EEF2K: variants seen among roughly 807,000 people sequenced by gnomAD.
EEF2K encodes the protein alternative protein EEF2K.
A neutral mutation model predicts 93.8 loss-of-function variants in EEF2K; 70 were observed. That is an observed-to-expected ratio of 0.75 (90% CI 0.62 to 0.91). The LOEUF (loss-of-function observed/expected upper bound fraction) is 0.91, where lower values mean the gene tolerates loss of function less well. Ranked by LOEUF, EEF2K falls within the 40% of genes least tolerant of loss-of-function variation. The probability of loss-of-function intolerance (pLI) is 0.00; values close to 1 mark genes in which losing one functional copy is unlikely to be tolerated. For synonymous variants in EEF2K, 376 were observed against 380.8 expected (o/e 0.99, Z 0.15); for missense variants, 935 against 972.9 (o/e 0.96, Z 0.52).
At chr16:22,220,535 C>T (rs1223289163) in intron 1 of EEF2K, among the ~76,000 whole-genome samples, 1 of 152,158 alleles carries the variant, frequency 6.6e-6, no homozygotes, top group African/African-American at 2.4e-5. Context: ...CTCTGCCTCC[C>T]CAGATTCAAG....
chr16:22,251,001 G>A (rs1278399275), intron 5 of EEF2K, 150 bp from the exon 6 acceptor site: 16 of 936,778 alleles, frequency 1.7e-5, no homozygotes, highest in Admixed American at 4.5e-5. Context: ...ATGCAGAGGG[G>A]TGGGGACGTC....
At chr16:22,259,180 A>G (rs1229658706) in intron 10 of EEF2K, among the ~76,000 whole-genome samples, 2 of 152,212 alleles carry the variant, frequency 1.3e-5, no homozygotes, top group African/African-American at 2.4e-5. Context: ...AAACAGAATC[A>G]TTATTTCTGA....
At position 22,225,549 on chromosome 16, in the gene EEF2K, A is replaced by T. The variant is rs931264548; in HGVS notation, c.-76-105A>T. 7.7e-6 allele frequency: 7 copies of T among 906,340 alleles called. No homozygotes were observed. In the African/African-American group the frequency reaches 1.0e-4, roughly 13 times the overall value. 56.1% of individuals were successfully genotyped at this position (906,340 alleles called of 1,614,324 possible). On this transcript the variant is annotated intron_variant, in intron 1 of 17. Transcript: ENST00000263026. ...AAAGATAGCTCTAGGTTTTACCCCA[A>T]GGGTGCCAGCTCCTGCGATAGCCTG...
intron 1 of EEF2K, among the ~76,000 whole-genome samples, chr16:22,223,988 C>A (rs2047039082): frequency 6.6e-6 from 1 of 152,068 alleles, no homozygotes; most frequent in Non-Finnish European, 1.5e-5. Context: ...AGGCGGATCA[C>A]CTGAGGTCAG....
chr16:22,241,623 A>T (rs1426559955), intron 2 of EEF2K, among the ~76,000 whole-genome samples: 3 of 119,302 alleles, frequency 2.5e-5, no homozygotes, highest in Non-Finnish European at 4.9e-5. Flanking sequence ...TGGGTGACAG[A>T]GGGAGACTGT....
chr16:22,241,259 A>T (rs2047219091), intron 2 of EEF2K, among the ~76,000 whole-genome samples: 2 of 152,136 alleles, frequency 1.3e-5, no homozygotes, highest in African/African-American at 4.8e-5. Context: ...AGAAAAAAAA[A>T]TTGAGATCAC....
At chr16:22,221,289 C>T (rs2047009000) in intron 1 of EEF2K, among the ~76,000 whole-genome samples, 2 of 151,974 alleles carry the variant, frequency 1.3e-5, no homozygotes, top group Admixed American at 1.3e-4. Flanking sequence ...AAGTTCAAGA[C>T]CAGCCTGGCC....
chr16:22,244,787 T>C, intron 3 of EEF2K, 57 bp downstream of exon 3: 1 of 1,576,850 alleles, frequency 6.3e-7, no homozygotes, highest in Non-Finnish European at 8.7e-7. Context: ...CCAGCTTCTG[T>C]TCCCAATCAG....
rs146363314 is a variant in EEF2K at position 22,218,361 on chromosome 16, C to T, written c.-76-7293C>T. Among the ~76,000 whole-genome samples the T allele has an allele frequency of 3.6e-3, 547 of 152,284 alleles. 4 individuals are homozygous for T. The highest frequency in any genetic ancestry group is 5.6e-3 in the Admixed American group (85 of 15,280). On this transcript the variant is annotated intron_variant, in intron 1 of 17. Coordinates refer to ENST00000263026, the MANE Select transcript of EEF2K (RefSeq NM_013302.5). ...GTGCATTGGCCAGCTCGGGGTGCCA[C>T]GTTATTGGCTTTGGGATGCTGGTTC...
chr16:22,236,458 T>G (rs978844257), intron 2 of EEF2K, among the ~76,000 whole-genome samples: 8 of 151,790 alleles, frequency 5.3e-5, no homozygotes, highest in African/African-American at 1.9e-4. Context: ...GTATTTGTAG[T>G]AGAGGCAGGG....
chr16:22,279,011 G>A (rs1358228103), intron 16 of EEF2K, among the ~76,000 whole-genome samples: 1 of 152,064 alleles, frequency 6.6e-6, no homozygotes, highest in African/African-American at 2.4e-5. Context: ...GGCTCTAGAG[G>A]CCTCTGCAGA....
chr16:22,265,992 T>G (rs1201082275), intron 13 of EEF2K, among the ~76,000 whole-genome samples: 1 of 152,074 alleles, frequency 6.6e-6, no homozygotes, highest in Non-Finnish European at 1.5e-5. Flanking sequence ...GGGAAGCGCT[T>G]CCTTGAGCTG....
chr16:22,262,952 C>T (rs1292062135), intron 11 of EEF2K, among the ~76,000 whole-genome samples, 158 bp from the exon 12 acceptor site: 1 of 152,114 alleles, frequency 6.6e-6, no homozygotes, highest in Admixed American at 6.6e-5. Context: ...GCTGGGATTA[C>T]AGGCATGAGC....
rs2047417263 is a variant in EEF2K, at chr16:22,257,627, C to T, written c.902-16C>T. ...AGAGCAAAGCAACACTCCAGACACC[C>T]CCGCTCTGTCCACAGGTGTCCGCGG... is the stretch of plus-strand genomic sequence containing the variant. On this transcript the variant is annotated splice_polypyrimidine_tract_variant and intron_variant, in intron 8 of 17. Coordinates refer to ENST00000263026, the MANE Select transcript of EEF2K (RefSeq NM_013302.5). 1 of 1,611,280 alleles carries T rather than the reference C, an allele frequency of 6.2e-7. No homozygotes were observed. Among genetic ancestry groups the T allele is most frequent in the South Asian group, 1.1e-5 (1 of 90,982 alleles).
chr16:22,268,304 G>T (rs1353019917), intron 15 of EEF2K, among the ~76,000 whole-genome samples: 2 of 151,814 alleles, frequency 1.3e-5, no homozygotes, highest in Non-Finnish European at 2.9e-5. Context: ...TCAGACTCCC[G>T]AGTAGCTGGG....
At chr16:22,269,306 T>C (rs2141682239) in intron 15 of EEF2K, among the ~76,000 whole-genome samples, 1 of 152,264 alleles carries the variant, frequency 6.6e-6, no homozygotes, top group South Asian at 2.1e-4. Flanking sequence ...GTCTCCATCT[T>C]TCCCTCGTGT....
At chr16:22,272,747 C>T (rs1024715164) in intron 15 of EEF2K, among the ~76,000 whole-genome samples, 13 of 151,932 alleles carry the variant, frequency 8.6e-5, no homozygotes, top group Admixed American at 5.9e-4. Context: ...CTGCAACCTC[C>T]GCTTCCTAGA....
At chr16:22,230,191 G>A (rs750185074) in intron 2 of EEF2K, among the ~76,000 whole-genome samples, 36 of 152,124 alleles carry the variant, frequency 2.4e-4, no homozygotes, top group East Asian at 1.9e-3. Flanking sequence ...CTGTGTTTAC[G>A]TTAGAACAAA....
At chr16:22,252,142 A>G (rs1598188139) in intron 6 of EEF2K, among the ~76,000 whole-genome samples, 1 of 152,214 alleles carries the variant, frequency 6.6e-6, no homozygotes, top group African/African-American at 2.4e-5. Flanking sequence ...GAATGTTTTT[A>G]TCCTCAATTA....
Sources: gnomAD v4.1 joint callset for allele counts (sites outside exome capture counted in the v4.1 genomes callset) on GRCh38, gnomAD v4.1.1 for gene constraint, MANE v1.5 for transcripts, NCBI Gene and HGNC (gene_info 2026-07-23, HGNC 2026-07-21) for gene names.